C1orf185: variants seen among roughly 807,000 people sequenced by gnomAD.
The protein encoded by C1orf185 is chromosome 1 open reading frame 185.
In C1orf185, 13 loss-of-function variants were observed where a neutral mutation model predicts 16.1. That is an observed-to-expected ratio of 0.81 (90% CI 0.53 to 1.28). The LOEUF is 1.28. Ranked by LOEUF, C1orf185 falls within the 50% of genes most tolerant of loss-of-function variation. C1orf185 has a pLI of 0.00. For synonymous variants in C1orf185, 80 were observed against 76.9 expected (o/e 1.04, Z -0.21); for missense variants, 220 against 225.2 (o/e 0.98, Z 0.15).
chr1:51,110,547 T>C (rs1174207083), intron 1 of C1orf185, among the ~76,000 whole-genome samples: 1 of 152,212 alleles, frequency 6.6e-6, no homozygotes, highest in Admixed American at 6.5e-5. Flanking sequence ...TATCATGTCA[T>C]ATTCTTAGTG....
intron 3 of C1orf185, among the ~76,000 whole-genome samples, chr1:51,143,107 C>A (rs568981694): frequency 6.6e-6 from 1 of 151,946 alleles, no homozygotes; most frequent in African/African-American, 2.4e-5. Flanking sequence ...ATTGATCGCA[C>A]AATCAAGATG....
intron 3 of C1orf185, among the ~76,000 whole-genome samples, chr1:51,139,725 C>G (rs1010000421): frequency 7.9e-5 from 12 of 152,068 alleles, no homozygotes; most frequent in Non-Finnish European, 1.6e-4. Flanking sequence ...TTTTTTAAAA[C>G]TTGTACGAAC....
downstream of C1orf185, chr1:51,148,161 T>C (rs919000257): frequency 1.8e-5 from 3 of 166,470 alleles, no homozygotes; most frequent in East Asian, 5.0e-4. Context: ...TCTCGCTCTA[T>C]TGCCCAGGCT....
intron 3 of C1orf185, among the ~76,000 whole-genome samples, chr1:51,121,534 T>C (rs1180756561): frequency 2.0e-5 from 3 of 152,092 alleles, no homozygotes; most frequent in Non-Finnish European, 4.4e-5. Flanking sequence ...AAAAATAGTA[T>C]AAAAAGTTTA....
chr1:51,136,312 T>C (rs1044248901), intron 3 of C1orf185, among the ~76,000 whole-genome samples: 6 of 151,890 alleles, frequency 4.0e-5, no homozygotes, highest in Non-Finnish European at 5.9e-5. Flanking sequence ...AAAATCATTT[T>C]ATTTTATTAT....
At chr1:51,113,107 C>T (rs1244255036) in intron 2 of C1orf185, among the ~76,000 whole-genome samples, 1 of 151,912 alleles carries the variant, frequency 6.6e-6, no homozygotes. Flanking sequence ...GCATGAGCCA[C>T]CACACCCGGC....
At chr1:51,103,410 A>AACACACACACACAC (rs367808687) in intron 1 of C1orf185, among the ~76,000 whole-genome samples, 3,969 of 128,800 alleles carry the variant, frequency 0.031, 86 homozygotes, top group South Asian at 0.05. Context: ...TGTCTCGAAA[A>AACACACACACACAC]ACACACACAC....
downstream of C1orf185, among the ~76,000 whole-genome samples, chr1:51,149,001 C>A (rs1190817363): frequency 6.6e-6 from 1 of 152,194 alleles, no homozygotes; most frequent in East Asian, 1.9e-4. Flanking sequence ...TCCTCACCCT[C>A]ACTCTACTGT....
chr1:51,112,835 C>G (rs1449563555), intron 2 of C1orf185, among the ~76,000 whole-genome samples: 2 of 132,026 alleles, frequency 1.5e-5, no homozygotes, highest in Non-Finnish European at 3.2e-5. Context: ...TTTTTCTTTT[C>G]TTGAGACAGA....
At chr1:51,128,518 C>A (rs1302380680) in intron 3 of C1orf185, among the ~76,000 whole-genome samples, 1 of 151,946 alleles carries the variant, frequency 6.6e-6, no homozygotes, top group Non-Finnish European at 1.5e-5. Context: ...ATGGCGAAAT[C>A]CCATCTCTAC....
intron 3 of C1orf185, among the ~76,000 whole-genome samples, chr1:51,143,013 C>A (rs1029427977): frequency 1.3e-5 from 2 of 152,166 alleles, no homozygotes; most frequent in African/African-American, 2.4e-5. Context: ...ATCCACCTGC[C>A]TCAGCCTCCC....
Position 51,127,290 on chromosome 1 carries a change from A to AT in C1orf185, c.258+8500dup, listed in dbSNP as rs1344235433. On this transcript the variant is annotated intron_variant, in intron 3 of 4. Coordinates refer to ENST00000371759, the MANE Select transcript of C1orf185 (RefSeq NM_001136508.2). ...GGTATCAGCTTTCTGATTTTTTGTC[A>AT]TTTTTTTTTTTGTGTGAGATGGAGT... 5.7e-3 allele frequency among the ~76,000 whole-genome samples: 830 copies of AT among 145,174 alleles called. 8 individuals are homozygous for AT. The highest frequency in any genetic ancestry group is 0.026 in the Admixed American group (379 of 14,504).
intron 3 of C1orf185, among the ~76,000 whole-genome samples, chr1:51,131,980 T>C (rs1360003426): frequency 6.6e-6 from 1 of 152,136 alleles, no homozygotes; most frequent in Non-Finnish European, 1.5e-5. Context: ...GCACACAGTC[T>C]AGGAATTGGG....
intron 3 of C1orf185, among the ~76,000 whole-genome samples, chr1:51,119,232 T>C (rs1416956910): frequency 2.0e-5 from 3 of 152,214 alleles, no homozygotes; most frequent in African/African-American, 4.8e-5. Flanking sequence ...TTATTGAAGA[T>C]AGTAAGATAT....
At position 51,147,473 on chromosome 1, in the gene C1orf185, A is replaced by G. The variant is rs373551780; in HGVS notation, c.302A>G (p.Lys101Arg). 1 of 1,522,218 alleles carries G rather than the reference A, an allele frequency of 6.6e-7. No homozygotes were observed. Among genetic ancestry groups the G allele is most frequent in the Non-Finnish European group, 8.8e-7 (1 of 1,135,474 alleles). The allele number at this position is 1,522,218 out of a possible 1,614,324, so 94.3% of individuals were successfully genotyped here. A position where few individuals can be genotyped will look rare whatever the true frequency, so the allele number is the denominator to read the frequency against. Residue 101 changes from lysine (K) to arginine (R), a missense_variant, in exon 5 of 5, where the codon AAA becomes AGA. By Grantham distance (26) the Lys-to-Arg change is conservative. Coordinates refer to ENST00000371759, the MANE Select transcript of C1orf185 (RefSeq NM_001136508.2). ...KKEAAHIKAI[K>R]DHSKDEPQLA... The stretch of plus-strand genomic sequence containing the variant: ...AGTAAATCTGTTTTTACAGCAATTA[A>G]AGATCATTCTAAAGATGAACCCCAA...
intron 3 of C1orf185, among the ~76,000 whole-genome samples, chr1:51,132,498 T>C (rs1248909261): frequency 6.6e-6 from 1 of 152,102 alleles, no homozygotes; most frequent in African/African-American, 2.4e-5. Context: ...AACTCAGAGC[T>C]TGAAGATGGG....
chr1:51,114,795 G>A (rs1042637891), intron 2 of C1orf185, among the ~76,000 whole-genome samples: 1 of 152,166 alleles, frequency 6.6e-6, no homozygotes, highest in Non-Finnish European at 1.5e-5. Context: ...TTGAGGTATA[G>A]TTTACATACA....
At chr1:51,148,335 C>A (rs1438206499), downstream of C1orf185, among the ~76,000 whole-genome samples, 1 of 152,088 alleles carries the variant, frequency 6.6e-6, no homozygotes, top group Non-Finnish European at 1.5e-5. Context: ...GTTGGCCAGG[C>A]TAGTCTCGAA....
chr1:51,130,757 C>T (rs549193695), intron 3 of C1orf185, among the ~76,000 whole-genome samples: 3 of 152,304 alleles, frequency 2.0e-5, no homozygotes, highest in African/African-American at 7.2e-5. Context: ...CTCATACCAA[C>T]ACCATGCTGT....
Sources: allele counts gnomAD v4.1 joint callset (sites outside exome capture counted in the v4.1 genomes callset), GRCh38; gene constraint gnomAD v4.1.1; transcripts MANE v1.5; gene names NCBI Gene and HGNC (gene_info 2026-07-23, HGNC 2026-07-21).